Variants in ZC3H7B observed in about 807,000 individuals in gnomAD.
ZC3H7B encodes zinc finger CCCH-type containing 7B.
A neutral mutation model predicts 116.0 loss-of-function variants in ZC3H7B; 35 were observed. The ratio of observed to expected loss-of-function variants is 0.30; its 90% confidence interval spans 0.23 to 0.40. The LOEUF is 0.40. ZC3H7B is among the 10% of genes least tolerant of loss of function. The pLI is 1.00. For synonymous variants in ZC3H7B, 502 were observed against 545.6 expected, an observed-to-expected ratio of 0.92 and a Z score of 1.11; for missense variants, 1,011 against 1,321.5, an observed-to-expected ratio of 0.77 and a Z score of 3.64.
chr22:41,353,161 A>G (rs1263621967), intron 17 of ZC3H7B, among the ~76,000 whole-genome samples: 1 of 152,080 alleles, frequency 6.6e-6, no homozygotes. Context: ...TCGGACTGAC[A>G]CCACTGATTG....
Position 41,346,073 on chromosome 22 carries a change from C to T in ZC3H7B, c.1530C>T (p.Asp510=), listed in dbSNP as rs778019434. 11 of 1,613,910 alleles carry T rather than the reference C, an allele frequency of 6.8e-6. No individual in the cohort carries two copies. Among genetic ancestry groups the T allele is most frequent in the Non-Finnish European group, 8.5e-6 (10 of 1,180,030 alleles). The part of the protein sequence containing the change: ...CTFAYHQEEI[D]VWTEERKGTL... ...TCGCCTACCATCAGGAGGAGATCGA[C>T]GTGTGGACCGAGGAGCGGAAGGGCA... Residue 510 remains aspartate (D), a synonymous_variant, in exon 14 of 23, where the codon GAC becomes GAT. Transcript: ENST00000352645. The surrounding 1 kb of genome is among the most constrained non-coding windows in gnomAD (Gnocchi z 5.3).
rs2145940939 is a variant in ZC3H7B at position 41,351,536 on chromosome 22, C to T, written c.1949-25C>T. ...CCTTGCTGAGCACCTTGAAAGATGC[C>T]TGTGTCTGCCCCCACCCTCCCCAGG... On this transcript the variant is annotated intron_variant, in intron 16 of 22. Transcript: ENST00000352645. The surrounding 1 kb of genome is among the most constrained non-coding windows in gnomAD (Gnocchi z 5.1). 1 of 1,605,352 alleles carries T rather than the reference C, an allele frequency of 6.2e-7. No individual in the cohort carries two copies. Among genetic ancestry groups the T allele is most frequent in the South Asian group, 1.1e-5 (1 of 89,342 alleles).
Position 41,357,372 on chromosome 22 carries a change from T to G in ZC3H7B, c.2877T>G (p.Leu959=), listed in dbSNP as rs746986982. ...YNFLLQEDGD[L]AGATPEAPAA... The stretch of plus-strand genomic sequence containing the variant: ...TCCTGCTGCAAGAGGACGGGGACCT[T>G]GCCGGTGCCACCCCAGAAGCCCCTG... Residue 959 remains leucine, a synonymous_variant, in exon 23 of 23, where the codon CTT becomes CTG. Coordinates refer to ENST00000352645, the MANE Select transcript of ZC3H7B (RefSeq NM_017590.6). This position sits in a 1 kb window ranked among gnomAD's most constrained non-coding sequence, Gnocchi z 5.4. 1 of 1,613,202 alleles carries G rather than the reference T, an allele frequency of 6.2e-7. No individual in the cohort carries two copies. The highest frequency in any genetic ancestry group is 1.1e-5 in the South Asian group (1 of 91,084).
chr22:41,350,861 C>A (rs2036645994), intron 16 of ZC3H7B, among the ~76,000 whole-genome samples: 1 of 152,078 alleles, frequency 6.6e-6, no homozygotes, highest in Admixed American at 6.6e-5. Flanking sequence ...AAGTAAGCAC[C>A]GATGATGATT....
At chr22:41,331,930 C>T (rs1367882167) in intron 6 of ZC3H7B, among the ~76,000 whole-genome samples, 2 of 152,122 alleles carry the variant, frequency 1.3e-5, no homozygotes, top group East Asian at 3.8e-4. Context: ...TGGTGCCTGA[C>T]ACACAGTAGA....
At position 41,343,657 on chromosome 22, in the gene ZC3H7B, A is replaced by C. The variant is rs1002966340; in HGVS notation, c.1459+81A>C. 6.2e-6 allele frequency: 9 copies of C among 1,455,776 alleles called. No homozygotes were observed. The East Asian group carries it at 1.3e-4, about 20-fold the overall frequency. 90.2% of individuals were successfully genotyped at this position (1,455,776 alleles called of 1,614,324 possible). A position where few individuals can be genotyped will look rare whatever the true frequency, so the allele number is the denominator to read the frequency against. ...CAGCCGCTGCTCTACTCCCCATCAC[A>C]GGTAGACAGAACAGGGGTGGGCCTC... is the stretch of plus-strand genomic sequence containing the variant. On this transcript the variant is annotated intron_variant, in intron 13 of 22. Transcript: ENST00000352645.
intron 13 of ZC3H7B, among the ~76,000 whole-genome samples, chr22:41,344,063 A>G (rs1188696561): frequency 6.6e-6 from 1 of 152,170 alleles, no homozygotes; most frequent in East Asian, 1.9e-4. Flanking sequence ...ATGGACATCC[A>G]TCATGTCCCT....
intron 17 of ZC3H7B, among the ~76,000 whole-genome samples, chr22:41,353,321 C>T (rs899538447): frequency 6.6e-6 from 1 of 152,214 alleles, no homozygotes; most frequent in East Asian, 1.9e-4. Flanking sequence ...GGTTCTCTGA[C>T]GTCCTGTCCG....
At chr22:41,322,922 G>C (rs1454405949) in intron 2 of ZC3H7B, among the ~76,000 whole-genome samples, 1 of 152,192 alleles carries the variant, frequency 6.6e-6, no homozygotes, top group African/African-American at 2.4e-5. Flanking sequence ...GCGTGCTGCT[G>C]TGCCCAGCGT....
At chr22:41,339,768 G>A (rs771433427) in intron 9 of ZC3H7B, 48 bp from the exon 10 acceptor site, 7 of 1,530,236 alleles carry the variant, frequency 4.6e-6, no homozygotes, top group Admixed American at 1.9e-5. Context: ...GCCCAGGCCT[G>A]GGCAGTCCTG....
chr22:41,338,933 GC>G lies in ZC3H7B; in HGVS notation c.626-65del. ...GAAAGTGTTGGATGAGCATCACGGG[GC>G]CCGGGACGCCTCCTCCACCCTCACC... On this transcript the variant is annotated intron_variant, in intron 8 of 22. Coordinates refer to ENST00000352645, the MANE Select transcript of ZC3H7B (RefSeq NM_017590.6). This position sits in a 1 kb window ranked among gnomAD's most constrained non-coding sequence, Gnocchi z 4.5. The G allele has an allele frequency of 7.0e-7, 1 of 1,434,018 alleles. No individual in the cohort carries two copies. Among genetic ancestry groups the G allele is most frequent in the Non-Finnish European group, 9.2e-7 (1 of 1,081,602 alleles). The allele number at this position is 1,434,018 out of a possible 1,614,324, so 88.8% of individuals were successfully genotyped here.
In ZC3H7B at chr22:41,313,928, G is replaced by A. The variant is rs1224219734; in HGVS notation, c.-6-6727G>A. On this transcript the variant is annotated intron_variant, in intron 1 of 22. Coordinates refer to ENST00000352645, the MANE Select transcript of ZC3H7B (RefSeq NM_017590.6). ...TGCCTGGCTAATTTTTTTTTTTTTC[G>A]TATTTTTGTAGGGACGGGTTTTCAC... Among the ~76,000 whole-genome samples the A allele has an allele frequency of 3.4e-5, 5 of 148,676 alleles. No homozygotes were observed. The East Asian group carries it at 9.9e-4, about 29-fold the overall frequency.
Position 41,356,439 on chromosome 22 carries a change from A to C in ZC3H7B, c.2480A>C (p.Lys827Thr), listed in dbSNP as rs1429614427. ...GTPISSREGE[K>T]QIQMPTDYAD... ...CCCATCAGTTCTCGGGAAGGGGAGA[A>C]GCAGATCCAGATGCCCACGGACTAC... is the stretch of plus-strand genomic sequence containing the variant. Residue 827 changes from lysine (K) to threonine (T), a missense_variant, in exon 21 of 23, where the codon AAG (lysine) becomes ACG (threonine). Coordinates refer to ENST00000352645, the MANE Select transcript of ZC3H7B (RefSeq NM_017590.6). 1.2e-6 allele frequency: 2 copies of C among 1,614,164 alleles called. No individual in the cohort carries two copies. Among genetic ancestry groups the C allele is most frequent in the South Asian group, 1.1e-5 (1 of 91,088 alleles).
Position 41,357,467 on chromosome 22 carries a change from G to A in ZC3H7B, c.*38G>A, listed in dbSNP as rs1429669886. 6.3e-7 allele frequency: 1 copy of A among 1,599,686 alleles called. No individual in the cohort carries two copies. Among genetic ancestry groups the A allele is most frequent in the Admixed American group, 1.7e-5 (1 of 59,792 alleles). On this transcript the variant is annotated 3_prime_UTR_variant, in exon 23 of 23. Coordinates refer to ENST00000352645, the MANE Select transcript of ZC3H7B (RefSeq NM_017590.6). This position sits in a 1 kb window ranked among gnomAD's most constrained non-coding sequence, Gnocchi z 5.4. ...GCCGTGGGTGAAGTCCTGGGGTCAG[G>A]GGGTGGGGTGGGGCCAGAAGGCCTG...
chr22:41,339,256 AGGGG>A, intron 9 of ZC3H7B, 65 bp downstream of exon 9: 2 of 1,518,158 alleles, frequency 1.3e-6, no homozygotes, highest in South Asian at 2.7e-5. Flanking sequence ...CCATTGTCCC[AGGGG>A]TGGAGGGAAG....
In ZC3H7B at chr22:41,339,933, G is replaced by C; in HGVS notation, c.934G>C (p.Val312Leu). The stretch of plus-strand genomic sequence containing the variant: ...ACCTGTGGTGGGTGGCTCCATCCCT[G>C]TCTCCAGCCCACTGCCCCCCGCCTC... Reference protein sequence around the residue: ...LPPVVGGSIPVSSPLPPASFG... With the variant: ...LPPVVGGSIPLSSPLPPASFG... Residue 312 changes from valine (V) to leucine (L), a missense_variant, in exon 10 of 23, where the codon GTC becomes CTC. By Grantham distance (32) the Val-to-Leu change is conservative (BLOSUM62 1). Coordinates refer to ENST00000352645, the MANE Select transcript of ZC3H7B (RefSeq NM_017590.6). The C allele has an allele frequency of 6.2e-7, 1 of 1,613,346 alleles. No homozygotes were observed. The highest frequency in any genetic ancestry group is 1.1e-5 in the South Asian group (1 of 91,076).
In ZC3H7B at chr22:41,349,384, T is replaced by C; in HGVS notation, c.1948+83T>C. 1 of 1,547,808 alleles carries C rather than the reference T, an allele frequency of 6.5e-7. No individual in the cohort carries two copies. Among genetic ancestry groups the C allele is most frequent in the South Asian group, 1.2e-5 (1 of 83,496 alleles). On this transcript the variant is annotated intron_variant, in intron 16 of 22. Transcript: ENST00000352645. This position sits in a 1 kb window ranked among gnomAD's most constrained non-coding sequence, Gnocchi z 4.9. ...CAGGTGAAGGGAGCGCAGGACTGAC[T>C]GGGGTGACAGGCCAGGGCCCCATGG... is the stretch of plus-strand genomic sequence containing the variant.
chr22:41,315,351 T>TG (rs1164071807), intron 1 of ZC3H7B, among the ~76,000 whole-genome samples: 6 of 98,600 alleles, frequency 6.1e-5, no homozygotes, highest in African/African-American at 1.5e-4. Context: ...TAATTTCTAG[T>TG]GTTTTTTTTT....
chr22:41,341,127 C>G lies in ZC3H7B; in HGVS notation c.1178C>G (p.Ala393Gly). ...NSQDHRPPSGAQKPAPSPEPC... is the reference protein window; with the variant it reads ...NSQDHRPPSGGQKPAPSPEPC... ...CAGGACCACCGTCCCCCTAGCGGTG[C>G]TCAGAAACCAGCCCCCTCGGTGAGT... is the stretch of plus-strand genomic sequence containing the variant. The change falls in exon 11 of 23, where the codon GCT (alanine) becomes GGT (glycine). Residue 393 changes from alanine to glycine, a missense_variant. Ala to Gly is a moderately conservative substitution (Grantham distance 60, BLOSUM62 0). This residue lies in a region of ZC3H7B where 99 missense variants were observed against 89.5 expected (regional missense o/e 1.11). Transcript: ENST00000352645. 6.2e-7 allele frequency: 1 copy of G among 1,613,998 alleles called. No homozygotes were observed. Among genetic ancestry groups the G allele is most frequent in the Non-Finnish European group, 8.5e-7 (1 of 1,179,922 alleles).
Sources: allele counts gnomAD v4.1 joint callset (sites outside exome capture counted in the v4.1 genomes callset), GRCh38; gene constraint gnomAD v4.1.1; regional missense constraint gnomAD v4.1.1; non-coding constraint Gnocchi (gnomAD v3.1); transcripts MANE v1.5; gene names NCBI Gene and HGNC (gene_info 2026-07-23, HGNC 2026-07-21).